Variants in RABGAP1L observed in about 807,000 individuals in gnomAD.
RABGAP1L encodes the protein rab GTPase-activating protein 1-like.
RABGAP1L carries 63 observed loss-of-function variants against 137.7 expected under a neutral mutation model. That is an observed-to-expected ratio of 0.46 (90% CI 0.37 to 0.56). The LOEUF is 0.56. Among genes scored for constraint, RABGAP1L ranks in the 20% least tolerant of loss-of-function variants. The pLI, the probability that RABGAP1L is intolerant of heterozygous loss-of-function variation, is 0.00. For missense variants in RABGAP1L, 1,095 were observed against 1,244.0 expected, an observed-to-expected ratio of 0.88 and a Z score of 1.80; for synonymous variants, 431 against 433.7, an observed-to-expected ratio of 0.99 and a Z score of 0.08.
At position 174,305,175 on chromosome 1, in the gene RABGAP1L, A is replaced by G. The variant is rs1678087921; in HGVS notation, c.1465+48A>G. On this transcript the variant is annotated intron_variant, in intron 11 of 25. Coordinates refer to ENST00000681986, the MANE Select transcript of RABGAP1L (RefSeq NM_001366446.1). ...TTTATTCTGTCTGTATAGCTGCTTT[A>G]CTTACAATCTTCAGAGGAGGTGTGT... 3 of 1,459,612 alleles carry G rather than the reference A, an allele frequency of 2.1e-6. No homozygotes were observed. In the South Asian group the frequency reaches 4.7e-5, roughly 23 times the overall value. The allele number at this position is 1,459,612 out of a possible 1,614,324, so 90.4% of individuals were successfully genotyped here. A position where few individuals can be genotyped will look rare whatever the true frequency, so the allele number is the denominator to read the frequency against.
At chr1:174,950,823 G>C (rs935789262) in intron 19 of RABGAP1L, among the ~76,000 whole-genome samples, 2 of 152,066 alleles carry the variant, frequency 1.3e-5, no homozygotes, top group African/African-American at 4.8e-5. Flanking sequence ...TGAGCACCAG[G>C]AATCTTCACT....
At chr1:174,899,278 GGAGAGCTC>G (rs1157281624) in intron 19 of RABGAP1L, among the ~76,000 whole-genome samples, 1 of 152,190 alleles carries the variant, frequency 6.6e-6, no homozygotes, top group Non-Finnish European at 1.5e-5. Flanking sequence ...TGCAAGGTGA[GGAGAGCTC>G]AGGAGCTCAG....
chr1:174,310,568 A>G (rs1048224611), intron 11 of RABGAP1L, among the ~76,000 whole-genome samples: 23 of 152,174 alleles, frequency 1.5e-4, no homozygotes, highest in African/African-American at 4.8e-4. Context: ...TTTGTATTGC[A>G]GAATATCTCT....
chr1:174,693,234 A>G (rs1364464998), intron 15 of RABGAP1L, among the ~76,000 whole-genome samples: 1 of 152,172 alleles, frequency 6.6e-6, no homozygotes, highest in Non-Finnish European at 1.5e-5. Context: ...CTCTTCACTG[A>G]TTTCCCACTG....
At chr1:174,275,769 T>C (rs1231257013) in intron 8 of RABGAP1L, 64 bp from the exon 9 acceptor site, 2 of 1,187,150 alleles carry the variant, frequency 1.7e-6, no homozygotes, top group African/African-American at 3.1e-5. Flanking sequence ...TAAAGTAAGA[T>C]GTAATTTAAA....
intron 19 of RABGAP1L, among the ~76,000 whole-genome samples, chr1:174,867,653 T>C (rs1651507002): frequency 6.6e-6 from 1 of 152,132 alleles, no homozygotes; most frequent in Admixed American, 6.5e-5. Flanking sequence ...GTGTGACTTA[T>C]TTATTTATCT....
At chr1:174,756,866 C>A in intron 18 of RABGAP1L, 1 of 622,320 alleles carries the variant, frequency 1.6e-6, no homozygotes, top group Non-Finnish European at 2.9e-6. Context: ...GAAGGTGTCA[C>A]ACCACTCTCG....
chr1:174,567,126 C>T (rs891092063), intron 13 of RABGAP1L, among the ~76,000 whole-genome samples: 2 of 152,062 alleles, frequency 1.3e-5, no homozygotes, highest in Non-Finnish European at 2.9e-5. Flanking sequence ...ATATCCAACA[C>T]TTTATCATTA....
Position 174,967,983 on chromosome 1 carries a change from C to T in RABGAP1L, c.2434-1294C>T, listed in dbSNP as rs539180238. Reference sequence around the variant, plus strand: ...CCTGGTGGCTGGTATAATCAAGGTGCGGTTTTGTCCTTTAACTTCTCTGAC... The same window carrying T: ...CCTGGTGGCTGGTATAATCAAGGTGTGGTTTTGTCCTTTAACTTCTCTGAC... On this transcript the variant is annotated intron_variant, in intron 20 of 25. Transcript: ENST00000681986. Among the ~76,000 whole-genome samples the T allele has an allele frequency of 3.2e-4, 48 of 149,998 alleles. No individual in the cohort carries two copies. The South Asian group carries it at 9.7e-3, about 30-fold the overall frequency.
At chr1:174,173,269 T>C (rs1665559596) in intron 1 of RABGAP1L, among the ~76,000 whole-genome samples, 1 of 152,116 alleles carries the variant, frequency 6.6e-6, no homozygotes, top group Admixed American at 6.5e-5. Flanking sequence ...TAGCTGGGAT[T>C]ACAGGCGTGC....
In RABGAP1L at chr1:174,659,939, C is replaced by G. The variant is rs555889787; in HGVS notation, c.1824+22451C>G. Among the ~76,000 whole-genome samples, 155 of 152,176 alleles carry G rather than the reference C, an allele frequency of 1.0e-3. 1 individual carries two copies. The highest frequency in any genetic ancestry group is 4.3e-3 in the Admixed American group (65 of 15,282). On this transcript the variant is annotated intron_variant, in intron 14 of 25. Coordinates refer to ENST00000681986, the MANE Select transcript of RABGAP1L (RefSeq NM_001366446.1). ...ATGTTGAGTAGGTAATACCTGTTGT[C>G]TACCACCAGAACAGCAATCCCAGGA...
In RABGAP1L at chr1:174,278,777, C is replaced by T; in HGVS notation, c.1321C>T (p.Gln441Ter). 1 of 1,533,402 alleles carries T rather than the reference C, an allele frequency of 6.5e-7. No individual in the cohort carries two copies. Among genetic ancestry groups the T allele is most frequent in the Non-Finnish European group, 8.7e-7 (1 of 1,147,236 alleles). 95.0% of individuals were successfully genotyped at this position (1,533,402 alleles called of 1,614,324 possible). The change falls in exon 10 of 26, where the codon CAG becomes TAG. Residue 441 changes from glutamine (Q) to a stop codon, truncating the protein, a stop_gained and splice_region_variant. Transcript: ENST00000681986. LOFTEE classifies it high-confidence loss of function. Reference sequence around the variant, plus strand: ...AGAGACTTTCTTCATGAGATTGAAACAGGTAGGACCTTTTTGTTCTCTTCA... The same window carrying T: ...AGAGACTTTCTTCATGAGATTGAAATAGGTAGGACCTTTTTGTTCTCTTCA... ...FTETFFMRLK[Q>*]SEGKGHTNAG...
At chr1:174,879,191 C>T (rs1272908594) in intron 19 of RABGAP1L, among the ~76,000 whole-genome samples, 1 of 151,970 alleles carries the variant, frequency 6.6e-6, no homozygotes, top group East Asian at 1.9e-4. Flanking sequence ...ACCTCCGCCT[C>T]CCATGTTCAA....
intron 11 of RABGAP1L, among the ~76,000 whole-genome samples, chr1:174,354,900 C>T (rs1171809586): frequency 6.6e-6 from 1 of 152,190 alleles, no homozygotes; most frequent in Non-Finnish European, 1.5e-5. Context: ...TTTCCCAGCA[C>T]CATTTATTAA....
intron 14 of RABGAP1L, among the ~76,000 whole-genome samples, chr1:174,659,664 A>G (rs1216818855): frequency 2.0e-5 from 3 of 152,216 alleles, no homozygotes; most frequent in South Asian, 2.1e-4. Flanking sequence ...CCAAATTTAT[A>G]TATCTGACCC....
intron 1 of RABGAP1L, among the ~76,000 whole-genome samples, chr1:174,212,857 A>C (rs1039838059): frequency 1.3e-5 from 2 of 152,204 alleles, no homozygotes; most frequent in South Asian, 4.1e-4. Context: ...AAAAGGAGGC[A>C]TTACAGTTGA....
chr1:174,868,028 CG>C (rs1449612046), intron 19 of RABGAP1L, among the ~76,000 whole-genome samples: 1 of 152,004 alleles, frequency 6.6e-6, no homozygotes, highest in Non-Finnish European at 1.5e-5. Flanking sequence ...TGCAGTGGCA[CG>C]ATCTCTGCTC....
At chr1:174,548,306 T>G in intron 13 of RABGAP1L, 1 of 1,241,168 alleles carries the variant, frequency 8.1e-7, no homozygotes. Flanking sequence ...ACCCTCTTAA[T>G]TTATCCATTT....
chr1:174,278,677 C>T lies in RABGAP1L; in HGVS notation c.1221C>T (p.Arg407=), dbSNP rs369535967. 39 of 1,613,312 alleles carry T rather than the reference C, an allele frequency of 2.4e-5. No homozygotes were observed. The highest frequency in any genetic ancestry group is 3.3e-5 in the Non-Finnish European group (39 of 1,179,702). The change falls in exon 10 of 26, where the codon CGC becomes CGT. Residue 407 remains arginine (R), a synonymous_variant. Coordinates refer to ENST00000681986, the MANE Select transcript of RABGAP1L (RefSeq NM_001366446.1). ...MVVTEVVEPV[R]FLLETVVRVY... is the part of the protein sequence containing the mutation. Reference sequence around the variant, plus strand: ...TCACAGAGGTGGTGGAGCCTGTTCGCTTTCTCCTGGAGACAGTAGTCCGTG... The same window carrying T: ...TCACAGAGGTGGTGGAGCCTGTTCGTTTTCTCCTGGAGACAGTAGTCCGTG...
Sources: allele counts gnomAD v4.1 joint callset (sites outside exome capture counted in the v4.1 genomes callset), GRCh38; gene constraint gnomAD v4.1.1; transcripts MANE v1.5; gene names NCBI Gene and HGNC (gene_info 2026-07-23, HGNC 2026-07-21).